The following RAB44 variants were observed in gnomAD, a reference collection of about 807,000 sequenced individuals.
RAB44 encodes ras-related protein Rab-44.
A neutral mutation model predicts 93.3 loss-of-function variants in RAB44; 67 were observed. The observed-to-expected ratio is 0.72, with a 90% CI of 0.59 to 0.88. RAB44 has a LOEUF of 0.88. RAB44 is among the 40% of genes least tolerant of loss of function. The pLI is 0.00. For missense variants in RAB44, 1,064 were observed against 1,261.7 expected (o/e 0.84, Z 2.37); for synonymous variants, 427 against 520.3 (o/e 0.82, Z 2.44).
At chr6:36,698,753 C>T (rs1382072846) in intron 1 of RAB44, among the ~76,000 whole-genome samples, 10 of 152,004 alleles carry the variant, frequency 6.6e-5, no homozygotes, top group South Asian at 2.1e-4. Flanking sequence ...TGCTGGGCGA[C>T]GGCATTTGCA....
chr6:36,727,551 T>G lies in RAB44; in HGVS notation c.2682-26T>G. The stretch of plus-strand genomic sequence containing the variant: ...GGGCCTGGGGTCTGGATGCCTGGTG[T>G]GGCCTCATGCAGACTCTCTGGGCAG... On this transcript the variant is annotated intron_variant, in intron 10 of 13. Coordinates refer to ENST00000612677, the MANE Select transcript of RAB44 (RefSeq NM_001257357.2). The G allele has an allele frequency of 3.3e-6, 5 of 1,512,900 alleles. No individual in the cohort carries two copies. In the South Asian group the frequency reaches 3.6e-5, roughly 11 times the overall value. 93.7% of individuals were successfully genotyped at this position (1,512,900 alleles called of 1,614,324 possible).
intron 8 of RAB44, 69 bp downstream of exon 8, chr6:36,720,619 G>A: frequency 8.8e-7 from 1 of 1,140,234 alleles, no homozygotes; most frequent in Middle Eastern, 2.2e-4. Context: ...GGAACTCTGA[G>A]TTCTCTAAGG....
chr6:36,727,455 A>T (rs762399506), intron 10 of RAB44, 122 bp from the exon 11 acceptor site: 32 of 653,140 alleles, frequency 4.9e-5, no homozygotes, highest in South Asian at 3.1e-4. Context: ...TACGAAGAAA[A>T]GCATACGGAC....
chr6:36,702,242 C>T (rs116249243), intron 1 of RAB44, among the ~76,000 whole-genome samples: 1,631 of 149,600 alleles, frequency 0.011, 37 homozygotes, highest in African/African-American at 0.033. Context: ...CTCACCACTG[C>T]GGTTTTACAT....
intron 7 of RAB44, among the ~76,000 whole-genome samples, 175 bp from the exon 8 acceptor site, chr6:36,720,188 C>A (rs1763035662): frequency 6.6e-6 from 1 of 152,142 alleles, no homozygotes; most frequent in Admixed American, 6.5e-5. Context: ...TAGATAGGAG[C>A]TAATGGAGCT....
At position 36,705,018 on chromosome 6, in the gene RAB44, G is replaced by C. The variant is rs1387610435; in HGVS notation, c.207+576G>C. ...GCCTGTAATCCCAGCTACTTGGGAG[G>C]CTGAAGCATGAGAATTGCTTGAGCC... On this transcript the variant is annotated intron_variant, in intron 2 of 13. Transcript: ENST00000612677. Among the ~76,000 whole-genome samples the C allele has an allele frequency of 2.0e-5, 3 of 151,716 alleles. No homozygotes were observed. In the East Asian group the frequency reaches 5.8e-4, roughly 29 times the overall value.
chr6:36,718,197 G>A (rs1582630918), intron 6 of RAB44, 79 bp downstream of exon 6: 1 of 984,298 alleles, frequency 1.0e-6, no homozygotes, highest in African/African-American at 1.7e-5. Flanking sequence ...CCAGTGACTG[G>A]CCAGGGTGGG....
rs1473307227 is a variant in RAB44, at chr6:36,731,629, TCAGTTCGGTCAC to T, written c.2976-371_2976-360del. Among the ~76,000 whole-genome samples, 1 of 152,110 alleles carries T rather than the reference TCAGTTCGGTCAC, an allele frequency of 6.6e-6. No individual in the cohort carries two copies. The highest frequency in any genetic ancestry group is 1.5e-5 in the Non-Finnish European group (1 of 68,020). ...TCTGCTGGCATACCTTGTCCATGGC[TCAGTTCGGTCAC>T]CATCTCCTTCCTCCCCAGATCCCTC... On this transcript the variant is annotated intron_variant, in intron 13 of 13. Transcript: ENST00000612677. The surrounding 1 kb of genome is among the most constrained non-coding windows in gnomAD (Gnocchi z 4.0).
Position 36,732,163 on chromosome 6 carries a change from C to A in RAB44, c.*70C>A. On this transcript the variant is annotated 3_prime_UTR_variant, in exon 14 of 14. Transcript: ENST00000612677. Reference sequence around the variant, plus strand: ...TGTCCCTCAGCTCCTGTCCTTTGTTCCTGGACAGCAACGACACAGAGGACC... The same window carrying A: ...TGTCCCTCAGCTCCTGTCCTTTGTTACTGGACAGCAACGACACAGAGGACC... The A allele has an allele frequency of 9.9e-7, 1 of 1,008,052 alleles. No individual in the cohort carries two copies. Among genetic ancestry groups the A allele is most frequent in the Non-Finnish European group, 1.3e-6 (1 of 782,080 alleles). The allele number at this position is 1,008,052 out of a possible 1,614,324, so 62.4% of individuals were successfully genotyped here.
Position 36,725,930 on chromosome 6 carries a change from G to A in RAB44, c.2668G>A (p.Ala890Thr). 10 of 1,550,690 alleles carry A rather than the reference G, an allele frequency of 6.4e-6. No homozygotes were observed. Among genetic ancestry groups the A allele is most frequent in the Non-Finnish European group, 8.7e-6 (10 of 1,146,932 alleles). ...CTTTGTGCTGCAGCTCTGGGACACA[G>A]CTGGCCAAGAGAGGTAACAGGCACT... ...KCFVLQLWDT[A>T]GQERYHSMTR... Residue 890 changes from alanine (A) to threonine (T), a missense_variant, in exon 10 of 14, where the codon GCT becomes ACT. Coordinates refer to ENST00000612677, the MANE Select transcript of RAB44 (RefSeq NM_001257357.2).
At position 36,727,363 on chromosome 6, in the gene RAB44, G is replaced by A. The variant is rs190897834; in HGVS notation, c.2682-214G>A. 1.7e-3 allele frequency among the ~76,000 whole-genome samples: 256 copies of A among 152,314 alleles called. 1 individual carries two copies. The highest frequency in any genetic ancestry group is 5.9e-3 in the African/African-American group (244 of 41,568). On this transcript the variant is annotated intron_variant, in intron 10 of 13. Coordinates refer to ENST00000612677, the MANE Select transcript of RAB44 (RefSeq NM_001257357.2). ...GGCTCCAGGATGGGGCAGAAGGAAG[G>A]AGACTTTTCATTGAGTTCTCCTTGA...
In RAB44 at chr6:36,715,553, G is replaced by A. The variant is rs980352718; in HGVS notation, c.394G>A (p.Ala132Thr). ...RKPLPSKRVS[A>T]TTSFPALEEA... is the part of the protein sequence containing the mutation. Reference sequence around the variant, plus strand: ...GCCACTGCCCTCTAAGCGGGTATCTGCTACCACCAGCTTCCCAGCTCTGGA... The same window carrying A: ...GCCACTGCCCTCTAAGCGGGTATCTACTACCACCAGCTTCCCAGCTCTGGA... The change falls in exon 4 of 14, where the codon GCT becomes ACT. Residue 132 changes from alanine to threonine, a missense_variant. Coordinates refer to ENST00000612677, the MANE Select transcript of RAB44 (RefSeq NM_001257357.2). The A allele has an allele frequency of 6.5e-7, 1 of 1,536,062 alleles. No individual in the cohort carries two copies. Among genetic ancestry groups the A allele is most frequent in the African/African-American group, 1.4e-5 (1 of 73,054 alleles).
chr6:36,730,121 T>C (rs770194738), intron 12 of RAB44, among the ~76,000 whole-genome samples: 1 of 152,162 alleles, frequency 6.6e-6, no homozygotes, highest in African/African-American at 2.4e-5. Context: ...ATAGGTTAGG[T>C]TGAAACATAT....
In RAB44 at chr6:36,731,933, C is replaced by A. The variant is rs1763373027; in HGVS notation, c.2976-70C>A. The A allele has an allele frequency of 9.5e-7, 1 of 1,055,720 alleles. No individual in the cohort carries two copies. Among genetic ancestry groups the A allele is most frequent in the Non-Finnish European group, 1.2e-6 (1 of 827,662 alleles). The allele number at this position is 1,055,720 out of a possible 1,614,324, so 65.4% of individuals were successfully genotyped here. A position where few individuals can be genotyped will look rare whatever the true frequency, so the allele number is the denominator to read the frequency against. ...GGTGCGGCCTCCCACCCCCCAGCTG[C>A]ACCCATGGGCCCATCCGTGCTGCCC... On this transcript the variant is annotated intron_variant, in intron 13 of 13. Coordinates refer to ENST00000612677, the MANE Select transcript of RAB44 (RefSeq NM_001257357.2). The surrounding 1 kb of genome is among the most constrained non-coding windows in gnomAD (Gnocchi z 4.0).
chr6:36,732,039 G>A lies in RAB44; in HGVS notation c.3012G>A (p.Ser1004=), dbSNP rs545186076. 25 of 1,234,498 alleles carry A rather than the reference G, an allele frequency of 2.0e-5. No individual in the cohort carries two copies. The African/African-American group carries it at 3.3e-4, about 16-fold the overall frequency. 76.5% of individuals were successfully genotyped at this position (1,234,498 alleles called of 1,614,324 possible). A position where few individuals can be genotyped will look rare whatever the true frequency, so the allele number is the denominator to read the frequency against. The change falls in exon 14 of 14, where the codon TCG becomes TCA. Residue 1004 remains serine (S), a synonymous_variant. Coordinates refer to ENST00000612677, the MANE Select transcript of RAB44 (RefSeq NM_001257357.2). ...LRMQEEGLKD[S]LVKVAPKRPP... ...TGCAAGAAGAAGGCCTGAAGGACTC[G>A]CTGGTGAAGGTGGCCCCCAAGAGGC...
chr6:36,705,475 C>T (rs1344945018), intron 2 of RAB44, among the ~76,000 whole-genome samples: 1 of 149,340 alleles, frequency 6.7e-6, no homozygotes, highest in Admixed American at 6.7e-5. Flanking sequence ...CTCTGCCTCC[C>T]AGGTTCAAGC....
At position 36,721,407 on chromosome 6, in the gene RAB44, T is replaced by C. The variant is rs1405857117; in HGVS notation, c.1273T>C (p.Ser425Pro). ...PQAFLFGQEPSSDPDGAPRTP... is the reference protein window; with the variant it reads ...PQAFLFGQEPPSDPDGAPRTP... Reference sequence around the variant, plus strand: ...GGCTTTTCTATTTGGTCAGGAGCCATCTTCAGATCCAGATGGGGCTCCAAG... The same window carrying C: ...GGCTTTTCTATTTGGTCAGGAGCCACCTTCAGATCCAGATGGGGCTCCAAG... Residue 425 changes from serine to proline, a missense_variant, in exon 9 of 14, where the codon TCT becomes CCT. By Grantham distance (74) the Ser-to-Pro change is moderately conservative. Coordinates refer to ENST00000612677, the MANE Select transcript of RAB44 (RefSeq NM_001257357.2). 2 of 1,233,748 alleles carry C rather than the reference T, an allele frequency of 1.6e-6. No individual in the cohort carries two copies. The highest frequency in any genetic ancestry group is 3.2e-5 in the East Asian group (1 of 31,618). The allele number at this position is 1,233,748 out of a possible 1,614,324, so 76.4% of individuals were successfully genotyped here. A position where few individuals can be genotyped will look rare whatever the true frequency, so the allele number is the denominator to read the frequency against.
chr6:36,708,804 C>G (rs1194617860), intron 2 of RAB44, among the ~76,000 whole-genome samples: 2 of 151,982 alleles, frequency 1.3e-5, no homozygotes, highest in African/African-American at 4.8e-5. Flanking sequence ...CTTTTTAACC[C>G]TTGCTAAGAG....
intron 2 of RAB44, among the ~76,000 whole-genome samples, chr6:36,709,666 A>G (rs9470376): frequency 0.22 from 32,887 of 151,946 alleles, 6,509 homozygotes; most frequent in African/African-American, 0.53. Context: ...AGCTATTCTC[A>G]TGCCTCAGCC....
Sources: allele counts gnomAD v4.1 joint callset (sites outside exome capture counted in the v4.1 genomes callset), GRCh38; gene constraint gnomAD v4.1.1; non-coding constraint Gnocchi (gnomAD v3.1); transcripts MANE v1.5; gene names NCBI Gene and HGNC (gene_info 2026-07-23, HGNC 2026-07-21).